HSF1: variants seen among roughly 807,000 people sequenced by gnomAD.
The protein encoded by HSF1 is heat shock transcription factor 1.
HSF1 carries 32 observed loss-of-function variants against 51.7 expected under a neutral mutation model. The ratio of observed to expected loss-of-function variants is 0.62; its 90% confidence interval spans 0.47 to 0.83. The LOEUF (loss-of-function observed/expected upper bound fraction) is 0.83. Among genes scored for constraint, HSF1 ranks in the 40% least tolerant of loss-of-function variants. The probability of loss-of-function intolerance (pLI) is 0.00; values close to 1 mark genes in which losing one functional copy is unlikely to be tolerated. For missense variants in HSF1, 727 were observed against 717.0 expected (o/e 1.01, Z -0.16); for synonymous variants, 396 against 309.7 (o/e 1.28, Z -2.92).
Position 144,314,262 on chromosome 8 carries a change from G to A in HSF1, c.1522G>A (p.Glu508Lys), listed in dbSNP as rs1554846182. Residue 508 changes from glutamate (E) to lysine (K), a missense_variant, in exon 13 of 13, where the codon GAG becomes AAG. Coordinates refer to ENST00000528838, the MANE Select transcript of HSF1 (RefSeq NM_005526.4). Reference protein sequence around the residue: ...SYFSEGDGFAEDPTISLLTGS... With the variant: ...SYFSEGDGFAKDPTISLLTGS... ...CTTCTCCGAAGGGGACGGCTTCGCC[G>A]AGGACCCCACCATCTCCCTGCTGAC... The A allele has an allele frequency of 2.6e-6, 4 of 1,550,882 alleles. No individual in the cohort carries two copies. Among genetic ancestry groups the A allele is most frequent in the East Asian group, 2.4e-5 (1 of 41,006 alleles).
At position 144,313,509 on chromosome 8, in the gene HSF1, A is replaced by C; in HGVS notation, c.1143-2A>C. ...TTCAGGTACCGCCTTATCCCGGGCC[A>C]GGAATGAGCTCAGTGACCACTTGGA... is the stretch of plus-strand genomic sequence containing the variant. On this transcript the variant is annotated splice_acceptor_variant, in intron 9 of 12. Coordinates refer to ENST00000528838, the MANE Select transcript of HSF1 (RefSeq NM_005526.4). LOFTEE classifies it high-confidence loss of function. 6.2e-7 allele frequency: 1 copy of C among 1,604,548 alleles called. No individual in the cohort carries two copies. Among genetic ancestry groups the C allele is most frequent in the Non-Finnish European group, 8.5e-7 (1 of 1,172,388 alleles).
At chr8:144,298,715 C>G (rs1815654825) in intron 1 of HSF1, among the ~76,000 whole-genome samples, 1 of 152,192 alleles carries the variant, frequency 6.6e-6, no homozygotes, top group South Asian at 2.1e-4. Context: ...ACCCAACAAA[C>G]CCAGACTTTG....
chr8:144,307,362 C>T (rs192646658), intron 1 of HSF1, among the ~76,000 whole-genome samples: 124 of 152,346 alleles, frequency 8.1e-4, no homozygotes, highest in African/African-American at 2.7e-3. Flanking sequence ...CACCCCGCAG[C>T]GGCTGCCAGG....
chr8:144,312,370 AGCTCGGG>A, intron 9 of HSF1, 126 bp downstream of exon 9: 3 of 762,382 alleles, frequency 3.9e-6, no homozygotes, highest in Non-Finnish European at 6.3e-6. Flanking sequence ...CCAACCTCGG[AGCTCGGG>A]GCTGGGGAGG....
At chr8:144,295,414 C>G (rs1815386506) in intron 1 of HSF1, among the ~76,000 whole-genome samples, 1 of 152,228 alleles carries the variant, frequency 6.6e-6, no homozygotes, top group South Asian at 2.1e-4. Flanking sequence ...GGCTGAGGAG[C>G]CTGAGAACAA....
At chr8:144,300,318 G>A (rs537436660) in intron 1 of HSF1, among the ~76,000 whole-genome samples, 4 of 141,520 alleles carry the variant, frequency 2.8e-5, no homozygotes, top group Admixed American at 1.6e-4. Flanking sequence ...CCAGGTCCAA[G>A]CAATTCTCCT....
At chr8:144,298,217 A>G (rs1815598853) in intron 1 of HSF1, among the ~76,000 whole-genome samples, 1 of 152,118 alleles carries the variant, frequency 6.6e-6, no homozygotes, top group Admixed American at 6.5e-5. Flanking sequence ...TGAAATTCAT[A>G]ATGGCCCCTA....
At position 144,311,611 on chromosome 8, in the gene HSF1, G is replaced by A. The variant is rs782742553; in HGVS notation, c.723+10G>A. 37 of 1,612,974 alleles carry A rather than the reference G, an allele frequency of 2.3e-5. No homozygotes were observed. Among genetic ancestry groups the A allele is most frequent in the East Asian group, 4.5e-5 (2 of 44,894 alleles). On this transcript the variant is annotated intron_variant, in intron 7 of 12. Transcript: ENST00000528838. ...CTCGGGCCCCTACTCGGTGAGTGCC[G>A]GAGACAGGGCACCCGCCCAGGCATG...
Position 144,314,296 on chromosome 8 carries a change from A to C in HSF1, c.1556A>C (p.Glu519Ala), listed in dbSNP as rs570140866. 17 of 1,550,466 alleles carry C rather than the reference A, an allele frequency of 1.1e-5. No individual in the cohort carries two copies. The South Asian group carries it at 2.0e-4, about 18-fold the overall frequency. Residue 519 changes from glutamate (E) to alanine (A), a missense_variant, in exon 13 of 13, where the codon GAG (glutamate) becomes GCG (alanine). Around this residue, in one of 2 missense-constraint regions of HSF1, gnomAD observed 470 missense variants for 398.8 expected, o/e 1.18. Coordinates refer to ENST00000528838, the MANE Select transcript of HSF1 (RefSeq NM_005526.4). ...DPTISLLTGSEPPKAKDPTVS is the reference protein window; with the variant it reads ...DPTISLLTGSAPPKAKDPTVS ...ACCATCTCCCTGCTGACAGGCTCGG[A>C]GCCTCCCAAAGCCAAGGACCCCACT...
In HSF1 at chr8:144,306,163, G is replaced by C. The variant is rs138416312; in HGVS notation, c.118-2743G>C. 1.1e-3 allele frequency among the ~76,000 whole-genome samples: 173 copies of C among 152,234 alleles called. 2 individuals are homozygous for C. The highest frequency in any genetic ancestry group is 4.6e-3 in the Admixed American group (70 of 15,294). On this transcript the variant is annotated intron_variant, in intron 1 of 12. Transcript: ENST00000528838. ...GTCATTCTCATACTTTAGTTCTTCA[G>C]ATGTGGTTTCCTTTAGTTGTTTGAA... is the stretch of plus-strand genomic sequence containing the variant.
intron 9 of HSF1, chr8:144,313,255 G>T (rs534702136): frequency 1.9e-4 from 95 of 511,894 alleles, no homozygotes; most frequent in Non-Finnish European, 3.0e-4. Context: ...CTTGTCTCCT[G>T]GGTCCACTGC....
chr8:144,301,374 G>A (rs782447588), intron 1 of HSF1, among the ~76,000 whole-genome samples: 6 of 151,582 alleles, frequency 4.0e-5, no homozygotes, highest in South Asian at 2.1e-4. Flanking sequence ...AGCCATGATC[G>A]TACCACTGCA....
intron 1 of HSF1, among the ~76,000 whole-genome samples, chr8:144,299,891 A>G (rs1382906778): frequency 6.6e-6 from 1 of 152,188 alleles, no homozygotes; most frequent in Non-Finnish European, 1.5e-5. Context: ...CCTGGGTGAC[A>G]GAGCGAGACC....
At chr8:144,308,651 C>T (rs1588653592) in intron 1 of HSF1, among the ~76,000 whole-genome samples, 1 of 152,306 alleles carries the variant, frequency 6.6e-6, no homozygotes, top group African/African-American at 2.4e-5. Context: ...AGAGGAAGGC[C>T]TCGCATCTGC....
chr8:144,312,598 A>G, intron 9 of HSF1: 1 of 1,518,726 alleles, frequency 6.6e-7, no homozygotes, highest in Non-Finnish European at 8.8e-7. Flanking sequence ...CCCTGCCTGC[A>G]ATGGGGGCTC....
In HSF1 at chr8:144,314,124, G is replaced by A; in HGVS notation, c.1385-1G>A. The A allele has an allele frequency of 4.0e-6, 5 of 1,241,042 alleles. No individual in the cohort carries two copies. Among genetic ancestry groups the A allele is most frequent in the Non-Finnish European group, 5.3e-6 (5 of 951,852 alleles). 76.9% of individuals were successfully genotyped at this position (1,241,042 alleles called of 1,614,324 possible). A position where few individuals can be genotyped will look rare whatever the true frequency, so the allele number is the denominator to read the frequency against. ...CCGCCTTGACACCCCCACCCCCGCA[G>A]GGAAGCAGCTGGTGCACTACACAGC... On this transcript the variant is annotated splice_acceptor_variant, in intron 12 of 12. Coordinates refer to ENST00000528838, the MANE Select transcript of HSF1 (RefSeq NM_005526.4). LOFTEE classifies it high-confidence loss of function.
intron 5 of HSF1, 25 bp downstream of exon 5, chr8:144,311,274 C>G: frequency 6.3e-7 from 1 of 1,594,796 alleles, no homozygotes; most frequent in African/African-American, 1.3e-5. Context: ...AGAGGGCCGG[C>G]GGGGGCCCCA....
chr8:144,310,105 G>A (rs367751120), intron 4 of HSF1: 1 of 585,834 alleles, frequency 1.7e-6, no homozygotes, highest in Non-Finnish European at 3.0e-6. Flanking sequence ...TGTGCAGAAG[G>A]GGGTTGGGAG....
chr8:144,312,205 C>T lies in HSF1; in HGVS notation c.1103C>T (p.Ser368Phe), dbSNP rs782288319. The part of the protein sequence containing the change: ...EGRPPSPPPT[S>F]TPEKCLSVAC... ...CGGCCTCCCTCCCCCCCGCCCACCT[C>T]CACCCCTGAAAAGTGCCTCAGCGTA... The change falls in exon 9 of 13, where the codon TCC becomes TTC. Residue 368 changes from serine to phenylalanine, a missense_variant. Coordinates refer to ENST00000528838, the MANE Select transcript of HSF1 (RefSeq NM_005526.4). 4 of 1,593,002 alleles carry T rather than the reference C, an allele frequency of 2.5e-6. No homozygotes were observed. The highest frequency in any genetic ancestry group is 3.4e-6 in the Non-Finnish European group (4 of 1,168,566).
Sources: gnomAD v4.1 joint callset for allele counts (sites outside exome capture counted in the v4.1 genomes callset) on GRCh38, gnomAD v4.1.1 for gene constraint, gnomAD v4.1.1 regional missense constraint, MANE v1.5 for transcripts, NCBI Gene and HGNC (gene_info 2026-07-23, HGNC 2026-07-21) for gene names.